FGD2: variants seen among roughly 807,000 people sequenced by gnomAD.
FGD2 encodes the protein FYVE, RhoGEF and PH domain-containing protein 2.
A neutral mutation model predicts 75.9 loss-of-function variants in FGD2; 52 were observed. That is an observed-to-expected ratio of 0.69 (90% CI 0.55 to 0.86). The LOEUF (loss-of-function observed/expected upper bound fraction) is 0.86, where lower values mean the gene tolerates loss of function less well. Among genes scored for constraint, FGD2 ranks in the 40% least tolerant of loss-of-function variants. The pLI is 0.00. For synonymous variants in FGD2, 347 were observed against 348.6 expected, an observed-to-expected ratio of 1.00 and a Z score of 0.05; for missense variants, 790 against 872.0, an observed-to-expected ratio of 0.91 and a Z score of 1.18.
intron 4 of FGD2, 199 bp from the exon 5 acceptor site, chr6:37,013,410 C>G: frequency 2.2e-6 from 3 of 1,384,472 alleles, no homozygotes; most frequent in Non-Finnish European, 2.8e-6. Flanking sequence ...GGGACCAGAA[C>G]AGCCTTTGGC....
chr6:37,024,326 G>A (rs1765719056), intron 13 of FGD2: 1 of 151,980 alleles, frequency 6.6e-6, no homozygotes, highest in Non-Finnish European at 1.5e-5. Flanking sequence ...GGCAACAAAA[G>A]CAAAACTCCA....
At chr6:37,011,087 C>T (rs1178086221) in intron 3 of FGD2, 37 bp downstream of exon 3, 38 of 1,594,738 alleles carry the variant, frequency 2.4e-5, no homozygotes, top group Non-Finnish European at 2.8e-5. Flanking sequence ...GAGCCCCAGC[C>T]CTGGGTCTCC....
intron 4 of FGD2, chr6:37,012,093 T>C (rs1765039070): frequency 2.2e-6 from 1 of 463,016 alleles, no homozygotes; most frequent in African/African-American, 2.0e-5. Flanking sequence ...CCAAGCCAAG[T>C]GACCAAGTGA....
intron 1 of FGD2, among the ~76,000 whole-genome samples, chr6:37,007,195 A>G (rs1460468115): frequency 1.3e-5 from 2 of 152,212 alleles, no homozygotes; most frequent in Non-Finnish European, 2.9e-5. Flanking sequence ...ATGCAAGGTC[A>G]TAGACAGTAG....
chr6:37,006,782 A>G (rs1336616095), intron 1 of FGD2, among the ~76,000 whole-genome samples: 6 of 152,240 alleles, frequency 3.9e-5, no homozygotes, highest in Non-Finnish European at 5.9e-5. Flanking sequence ...GCTTTTGGGA[A>G]CAACAGCTGT....
Position 37,020,539 on chromosome 6 carries a change from A to T in FGD2, c.1123-2A>T. 1 of 1,604,172 alleles carries T rather than the reference A, an allele frequency of 6.2e-7. No homozygotes were observed. On this transcript the variant is annotated splice_acceptor_variant, in intron 9 of 15. Coordinates refer to ENST00000274963, the MANE Select transcript of FGD2 (RefSeq NM_173558.4). LOFTEE classifies it high-confidence loss of function. Reference sequence around the variant, plus strand: ...AACTGGTTGCCTCCCTCCTCTTGGCAGGTGCGGGAGCTGATGGATGCTGAG... The same window carrying T: ...AACTGGTTGCCTCCCTCCTCTTGGCTGGTGCGGGAGCTGATGGATGCTGAG...
intron 9 of FGD2, among the ~76,000 whole-genome samples, 185 bp downstream of exon 9, chr6:37,016,045 C>A (rs533700415): frequency 6.6e-6 from 1 of 152,250 alleles, no homozygotes; most frequent in Non-Finnish European, 1.5e-5. Flanking sequence ...CCCTGTCCTT[C>A]CCAGCTTCCC....
Position 37,008,819 on chromosome 6 carries a change from G to A in FGD2, c.69-15G>A. 2 of 1,555,724 alleles carry A rather than the reference G, an allele frequency of 1.3e-6. No homozygotes were observed. The highest frequency in any genetic ancestry group is 1.4e-5 in the African/African-American group (1 of 73,302). On this transcript the variant is annotated splice_polypyrimidine_tract_variant and intron_variant, in intron 1 of 15. Transcript: ENST00000274963. ...CTCCAGGGAGGAAGCCCTCAGGTCT[G>A]TCTCTTCTCCTCAGGACCCCAGAAG... is the stretch of plus-strand genomic sequence containing the variant.
intron 1 of FGD2, among the ~76,000 whole-genome samples, chr6:37,008,185 TC>T (rs1764837563): frequency 6.6e-6 from 1 of 152,190 alleles, no homozygotes; most frequent in Admixed American, 6.5e-5. Flanking sequence ...TGTTCTGTCA[TC>T]ACAAGCCCTT....
chr6:37,011,986 C>T lies in FGD2; in HGVS notation c.527+132C>T, dbSNP rs928215585. The T allele has an allele frequency of 7.7e-5, 77 of 993,744 alleles. No individual in the cohort carries two copies. The African/African-American group carries it at 1.2e-3, about 15-fold the overall frequency. 61.6% of individuals were successfully genotyped at this position (993,744 alleles called of 1,614,324 possible). ...TGTGTGGCCATGCCTCCCTGGGGCT[C>T]GGTCTGTCTGCACAGTGAAGGGCTT... is the stretch of plus-strand genomic sequence containing the variant. On this transcript the variant is annotated intron_variant, in intron 4 of 15. Transcript: ENST00000274963.
intron 2 of FGD2, 34 bp downstream of exon 2, chr6:37,009,099 T>A: frequency 6.3e-7 from 1 of 1,595,482 alleles, no homozygotes; most frequent in Non-Finnish European, 8.6e-7. Flanking sequence ...TGTGGGGTGC[T>A]GGGGTGGGGA....
At chr6:37,014,815 C>T (rs1461579483) in intron 7 of FGD2, 77 bp from the exon 8 acceptor site, 20 of 1,608,772 alleles carry the variant, frequency 1.2e-5, no homozygotes, top group African/African-American at 8.0e-5. Flanking sequence ...CCCCAGTCCC[C>T]GTCCCCACAA....
chr6:37,015,056 G>T lies in FGD2; in HGVS notation c.1029+18G>T. ...TTTTCTTGGTAAGAGGGTGCTGGGA[G>T]CTCCTCTCCACACTGGGGAGGGAAG... On this transcript the variant is annotated intron_variant, in intron 8 of 15. Transcript: ENST00000274963. The T allele has an allele frequency of 1.2e-6, 2 of 1,608,126 alleles. No homozygotes were observed. The highest frequency in any genetic ancestry group is 1.3e-5 in the African/African-American group (1 of 75,002).
chr6:37,007,956 T>A (rs1764828781), intron 1 of FGD2, among the ~76,000 whole-genome samples: 1 of 152,036 alleles, frequency 6.6e-6, no homozygotes. Flanking sequence ...TTTACTCAAA[T>A]GGGGAGGGGC....
intron 2 of FGD2, 81 bp downstream of exon 2, chr6:37,009,146 G>A (rs1457524392): frequency 3.0e-6 from 4 of 1,353,648 alleles, no homozygotes; most frequent in Non-Finnish European, 4.0e-6. Context: ...TGCTTTCCTA[G>A]CCAGAGCCAG....
At chr6:37,020,860 T>C in intron 11 of FGD2, 121 bp downstream of exon 11, 1 of 1,357,688 alleles carries the variant, frequency 7.4e-7, no homozygotes, top group Non-Finnish European at 1.0e-6. Context: ...CTATTTGGGC[T>C]GAAGGGGAGG....
In FGD2 at chr6:37,027,529, T is replaced by C. The variant is rs1278496562; in HGVS notation, c.1706T>C (p.Ile569Thr). Residue 569 changes from isoleucine (I) to threonine (T), a missense_variant, in exon 15 of 16, where the codon ATC becomes ACC. By Grantham distance (89) the Ile-to-Thr change is moderately conservative. Coordinates refer to ENST00000274963, the MANE Select transcript of FGD2 (RefSeq NM_173558.4). Reference protein sequence around the residue: ...GKSGPRGWCVIPRDDPLVLYV... With the variant: ...GKSGPRGWCVTPRDDPLVLYV... Reference sequence around the variant, plus strand: ...AGCGGCCCCCGGGGCTGGTGTGTGATCCCTCGGGATGACCCCCTCGTGCTC... The same window carrying C: ...AGCGGCCCCCGGGGCTGGTGTGTGACCCCTCGGGATGACCCCCTCGTGCTC... 6 of 1,613,946 alleles carry C rather than the reference T, an allele frequency of 3.7e-6. No individual in the cohort carries two copies. In the African/African-American group the frequency reaches 8.0e-5, roughly 22 times the overall value.
At chr6:37,023,775 C>G (rs1765695996) in intron 13 of FGD2, 1 of 152,192 alleles carries the variant, frequency 6.6e-6, no homozygotes, top group Non-Finnish European at 1.5e-5. Flanking sequence ...GGCTACTGTT[C>G]CTGGTGATTC....
chr6:37,020,687 C>T (rs764838631), intron 10 of FGD2, 22 bp from the exon 11 acceptor site: 4 of 1,576,006 alleles, frequency 2.5e-6, no homozygotes, highest in South Asian at 1.2e-5. Flanking sequence ...CTCCTCAACA[C>T]CTGTGTTCAC....
Sources: gnomAD v4.1 joint callset for allele counts (sites outside exome capture counted in the v4.1 genomes callset) on GRCh38, gnomAD v4.1.1 for gene constraint, MANE v1.5 for transcripts, NCBI Gene and HGNC (gene_info 2026-07-23, HGNC 2026-07-21) for gene names.